The following PITPNB variants were observed in gnomAD, a reference collection of about 807,000 sequenced individuals.
PITPNB encodes the protein phosphatidylinositol transfer protein beta.
A neutral mutation model predicts 45.9 loss-of-function variants in PITPNB; 16 were observed. The observed-to-expected ratio is 0.35, with a 90% CI of 0.24 to 0.53. The LOEUF is 0.53. Among genes scored for constraint, PITPNB ranks in the 20% least tolerant of loss-of-function variants. The pLI is 0.93. For missense variants in PITPNB, 188 were observed against 330.5 expected, an observed-to-expected ratio of 0.57 and a Z score of 3.34; for synonymous variants, 112 against 108.9, an observed-to-expected ratio of 1.03 and a Z score of -0.18.
chr22:27,909,651 G>C (rs935764808), intron 3 of PITPNB, among the ~76,000 whole-genome samples: 1 of 152,064 alleles, frequency 6.6e-6, no homozygotes, highest in African/African-American at 2.4e-5. Flanking sequence ...CTCTTGAAGG[G>C]CAATTTTGGC....
At chr22:27,854,621 T>G (rs1281251052) in intron 11 of PITPNB, among the ~76,000 whole-genome samples, 1 of 152,216 alleles carries the variant, frequency 6.6e-6, no homozygotes, top group Non-Finnish European at 1.5e-5. Flanking sequence ...GCAGCTGGGT[T>G]CTAACCCATA....
chr22:27,896,998 G>A (rs879082188), intron 5 of PITPNB, 132 bp downstream of exon 5: 17 of 743,042 alleles, frequency 2.3e-5, no homozygotes, highest in East Asian at 1.7e-4. Context: ...AGAGTGTGGC[G>A]GCTGGTTGGT....
At chr22:27,903,829 C>T (rs893180334) in intron 3 of PITPNB, among the ~76,000 whole-genome samples, 6 of 133,960 alleles carry the variant, frequency 4.5e-5, no homozygotes, top group Non-Finnish European at 9.8e-5. Flanking sequence ...AAGATTTGAA[C>T]AGATATTTCT....
chr22:27,866,722 A>C (rs765479953), intron 8 of PITPNB, among the ~76,000 whole-genome samples: 1 of 152,218 alleles, frequency 6.6e-6, no homozygotes, highest in African/African-American at 2.4e-5. Context: ...GCAAAGACAC[A>C]GCAGTTTCTG....
Position 27,885,212 on chromosome 22 carries a change from TAAAAAA to T in PITPNB, c.456+9337_456+9342del, listed in dbSNP as rs71194746. On this transcript the variant is annotated intron_variant, in intron 7 of 11. Coordinates refer to ENST00000335272, the MANE Select transcript of PITPNB (RefSeq NM_012399.5). Reference sequence around the variant, plus strand: ...AAAGAGCCAGATTCAAATTTATACCTAAAAAAAAAAAAAAAAAAAAAAAAAAAAAAA... The same window carrying T: ...AAAGAGCCAGATTCAAATTTATACCTAAAAAAAAAAAAAAAAAAAAAAAAA... Among the ~76,000 whole-genome samples, 110 of 30,216 alleles carry T rather than the reference TAAAAAA, an allele frequency of 3.6e-3. 3 individuals carry two copies. The highest frequency in any genetic ancestry group is 7.1e-3 in the South Asian group (5 of 702). 19.8% of individuals were successfully genotyped at this position (30,216 alleles called of 152,430 possible). A position where few individuals can be genotyped will look rare whatever the true frequency, so the allele number is the denominator to read the frequency against.
chr22:27,861,489 G>A (rs1162164304), intron 8 of PITPNB, among the ~76,000 whole-genome samples: 2 of 152,206 alleles, frequency 1.3e-5, no homozygotes, highest in Non-Finnish European at 2.9e-5. Context: ...GCATACATCA[G>A]TGACTTAAAT....
At chr22:27,886,937 A>C (rs968639423) in intron 7 of PITPNB, among the ~76,000 whole-genome samples, 2 of 152,238 alleles carry the variant, frequency 1.3e-5, no homozygotes, top group African/African-American at 2.4e-5. Flanking sequence ...TACAGAATGA[A>C]AAATCACTGA....
chr22:27,875,912 A>G (rs753784593), intron 7 of PITPNB, among the ~76,000 whole-genome samples: 7 of 152,206 alleles, frequency 4.6e-5, no homozygotes, highest in Non-Finnish European at 8.8e-5. Flanking sequence ...CCAACAGAGA[A>G]TGGAGACAAT....
At chr22:27,863,961 A>G (rs180969096) in intron 8 of PITPNB, among the ~76,000 whole-genome samples, 131 of 152,304 alleles carry the variant, frequency 8.6e-4, no homozygotes, top group Non-Finnish European at 1.5e-3. Context: ...GTTCCCTAAG[A>G]TATCTTTCCA....
intron 3 of PITPNB, among the ~76,000 whole-genome samples, chr22:27,902,738 G>A (rs1484066053): frequency 6.6e-6 from 1 of 152,062 alleles, no homozygotes; most frequent in Non-Finnish European, 1.5e-5. Flanking sequence ...GGTTTTTTAA[G>A]AGACAGGGTC....
intron 8 of PITPNB, among the ~76,000 whole-genome samples, chr22:27,870,150 C>G (rs1235985604): frequency 6.6e-6 from 1 of 152,186 alleles, no homozygotes; most frequent in East Asian, 1.9e-4. Context: ...CCAGAAATGG[C>G]AGACATTCTG....
chr22:27,892,703 T>C (rs1052483298), intron 7 of PITPNB, among the ~76,000 whole-genome samples: 2 of 152,202 alleles, frequency 1.3e-5, no homozygotes, highest in African/African-American at 4.8e-5. Flanking sequence ...GCATAACAGA[T>C]ATATCATTTC....
chr22:27,851,708 A>G lies in PITPNB; in HGVS notation c.*1994T>C, dbSNP rs1367846907. ...CAAATTTATTTTTTGTTTAAATTTC[A>G]TTTACTTTGTTTTACTGTAATTTAC... On this transcript the variant is annotated 3_prime_UTR_variant, in exon 12 of 12. Transcript: ENST00000335272. The G allele has an allele frequency of 2.6e-5, 4 of 152,198 alleles. No homozygotes were observed. Among genetic ancestry groups the G allele is most frequent in the Non-Finnish European group, 4.4e-5 (3 of 68,032 alleles). The allele number at this position is 152,198 out of a possible 1,614,324, so 9.4% of individuals were successfully genotyped here. A position where few individuals can be genotyped will look rare whatever the true frequency, so the allele number is the denominator to read the frequency against.
intron 3 of PITPNB, among the ~76,000 whole-genome samples, chr22:27,902,387 A>C (rs564297753): frequency 2.0e-5 from 3 of 152,294 alleles, no homozygotes; most frequent in South Asian, 4.1e-4. Context: ...TACGTCACAG[A>C]GTTTAGATTT....
intron 8 of PITPNB, among the ~76,000 whole-genome samples, chr22:27,873,492 C>A (rs991384044): frequency 6.6e-6 from 1 of 152,212 alleles, no homozygotes; most frequent in African/African-American, 2.4e-5. Flanking sequence ...GACTAAATCA[C>A]TTGTCTCTTT....
At chr22:27,880,130 G>T (rs1287743708) in intron 7 of PITPNB, among the ~76,000 whole-genome samples, 1 of 152,106 alleles carries the variant, frequency 6.6e-6, no homozygotes, top group African/African-American at 2.4e-5. Context: ...CTAGGGGCAG[G>T]GAAGTGAAAT....
At chr22:27,864,698 G>A (rs1569006678) in intron 8 of PITPNB, among the ~76,000 whole-genome samples, 1 of 152,098 alleles carries the variant, frequency 6.6e-6, no homozygotes, top group Non-Finnish European at 1.5e-5. Flanking sequence ...AGTACTTTGG[G>A]AGGCCGAGGC....
intron 2 of PITPNB, among the ~76,000 whole-genome samples, chr22:27,913,013 G>C (rs1231878760): frequency 6.6e-6 from 1 of 151,200 alleles, no homozygotes; most frequent in Non-Finnish European, 1.5e-5. Context: ...AGGTGGGGGG[G>C]GGAGTATAAC....
intron 10 of PITPNB, among the ~76,000 whole-genome samples, chr22:27,856,276 G>A (rs1934169453): frequency 6.6e-6 from 1 of 152,154 alleles, no homozygotes; most frequent in Admixed American, 6.5e-5. Context: ...TGACACTAAG[G>A]AATTGGGCTT....
Sources: allele counts gnomAD v4.1 joint callset (sites outside exome capture counted in the v4.1 genomes callset), GRCh38; gene constraint gnomAD v4.1.1; transcripts MANE v1.5; gene names NCBI Gene and HGNC (gene_info 2026-07-23, HGNC 2026-07-21).